DIAPH3: variants seen among roughly 807,000 people sequenced by gnomAD.
DIAPH3 encodes diaphanous related formin 3.
A neutral mutation model predicts 144.3 loss-of-function variants in DIAPH3; 117 were observed. That is an observed-to-expected ratio of 0.81 (90% CI 0.70 to 0.95). DIAPH3 has a LOEUF of 0.95. DIAPH3 is among the 40% of genes least tolerant of loss of function. DIAPH3 has a pLI of 0.00. For synonymous variants in DIAPH3, 519 were observed against 488.9 expected, an observed-to-expected ratio of 1.06 and a Z score of -0.81; for missense variants, 1,421 against 1,412.7, an observed-to-expected ratio of 1.01 and a Z score of -0.09.
intron 22 of DIAPH3, among the ~76,000 whole-genome samples, chr13:59,854,354 C>G (rs927346258): frequency 9.9e-5 from 15 of 152,110 alleles, no homozygotes; most frequent in African/African-American, 3.6e-4. Flanking sequence ...TATGGCAGCC[C>G]TAACAAACCA....
intron 5 of DIAPH3, among the ~76,000 whole-genome samples, chr13:60,020,558 T>A (rs553091116): frequency 1.3e-5 from 2 of 152,176 alleles, no homozygotes; most frequent in Admixed American, 1.3e-4. Flanking sequence ...AGAGATCGGG[T>A]CTCACTACGT....
At chr13:59,931,713 CA>C (rs1364718729) in intron 17 of DIAPH3, among the ~76,000 whole-genome samples, 1 of 152,186 alleles carries the variant, frequency 6.6e-6, no homozygotes, top group African/African-American at 2.4e-5. Flanking sequence ...AGAGGATACT[CA>C]GGCTTAAGCA....
At chr13:59,714,888 G>T (rs1945272015) in intron 27 of DIAPH3, among the ~76,000 whole-genome samples, 1 of 151,836 alleles carries the variant, frequency 6.6e-6, no homozygotes, top group African/African-American at 2.4e-5. Context: ...TTGTTTTTGA[G>T]AACAAAAATA....
intron 21 of DIAPH3, among the ~76,000 whole-genome samples, chr13:59,864,540 T>C (rs2043801375): frequency 6.6e-6 from 1 of 152,022 alleles, no homozygotes; most frequent in Admixed American, 6.6e-5. Context: ...GTGATATAGC[T>C]AAACAGCCAG....
At chr13:59,750,428 C>T (rs1343976741) in intron 27 of DIAPH3, among the ~76,000 whole-genome samples, 3 of 152,156 alleles carry the variant, frequency 2.0e-5, no homozygotes, top group Non-Finnish European at 4.4e-5. Flanking sequence ...TTAGGTTTTA[C>T]AAGAATTACT....
intron 27 of DIAPH3, among the ~76,000 whole-genome samples, chr13:59,692,764 C>T (rs986979138): frequency 6.6e-6 from 1 of 152,138 alleles, no homozygotes; most frequent in African/African-American, 2.4e-5. Context: ...CTTTATTACA[C>T]CAAACAGCCG....
At chr13:60,067,284 C>CAA (rs879713500) in intron 4 of DIAPH3, among the ~76,000 whole-genome samples, 1 of 139,892 alleles carries the variant, frequency 7.1e-6, no homozygotes, top group African/African-American at 2.6e-5. Flanking sequence ...GACCCTATAT[C>CAA]AAAAAAAAAA....
At chr13:59,891,825 CTGTA>C (rs1014891776) in intron 20 of DIAPH3, among the ~76,000 whole-genome samples, 12 of 151,960 alleles carry the variant, frequency 7.9e-5, no homozygotes, top group African/African-American at 2.9e-4. Flanking sequence ...CATAGCTGAG[CTGTA>C]ATAGTTACCG....
chr13:59,871,692 C>A (rs1290162769), intron 21 of DIAPH3, among the ~76,000 whole-genome samples: 1 of 152,094 alleles, frequency 6.6e-6, no homozygotes, highest in Non-Finnish European at 1.5e-5. Flanking sequence ...TTATTTCTTC[C>A]TTACATGTTT....
chr13:59,861,122 G>T, intron 22 of DIAPH3: 1 of 954,466 alleles, frequency 1.0e-6, no homozygotes, highest in Non-Finnish European at 1.5e-6. Context: ...AAAAGTGCAG[G>T]AGATTTAGCA....
At chr13:59,906,236 GAAATA>G (rs1345619889) in intron 20 of DIAPH3, among the ~76,000 whole-genome samples, 1 of 152,124 alleles carries the variant, frequency 6.6e-6, no homozygotes, top group Non-Finnish European at 1.5e-5. Context: ...TATGGGCTAT[GAAATA>G]AAATGCACGA....
intron 4 of DIAPH3, among the ~76,000 whole-genome samples, chr13:60,043,847 T>C (rs1167520075): frequency 1.3e-5 from 2 of 152,148 alleles, no homozygotes; most frequent in African/African-American, 4.8e-5. Context: ...ATAAATGCTG[T>C]AGAGAAGAAT....
At chr13:59,692,137 C>CTTTT (rs56205887) in intron 27 of DIAPH3, among the ~76,000 whole-genome samples, 8 of 58,176 alleles carry the variant, frequency 1.4e-4, no homozygotes, top group African/African-American at 1.9e-4. Context: ...TTGAGAAATT[C>CTTTT]TTTTTTTTTT....
At chr13:60,140,991 C>T (rs1462749359) in intron 1 of DIAPH3, among the ~76,000 whole-genome samples, 2 of 152,108 alleles carry the variant, frequency 1.3e-5, no homozygotes, top group Admixed American at 1.3e-4. Flanking sequence ...TTGATGTTGT[C>T]ACCTGCTACA....
At chr13:59,933,492 A>G (rs1166055444) in intron 17 of DIAPH3, among the ~76,000 whole-genome samples, 12 of 152,232 alleles carry the variant, frequency 7.9e-5, no homozygotes, top group Admixed American at 2.6e-4. Flanking sequence ...TTCTAAAGCC[A>G]GTACAAAATA....
intron 17 of DIAPH3, among the ~76,000 whole-genome samples, chr13:59,965,399 TC>T (rs1272173366): frequency 6.6e-6 from 1 of 152,126 alleles, no homozygotes; most frequent in Non-Finnish European, 1.5e-5. Context: ...AGCCCTTTAA[TC>T]CCTATTAACA....
chr13:59,709,286 C>A (rs2138815086), intron 27 of DIAPH3, among the ~76,000 whole-genome samples: 1 of 152,230 alleles, frequency 6.6e-6, no homozygotes, highest in East Asian at 1.9e-4. Context: ...GTAAAAGACA[C>A]TACCATCAGA....
In DIAPH3 at chr13:60,067,801, T is replaced by C. The variant is rs538994052; in HGVS notation, c.496-24981A>G. The stretch of plus-strand genomic sequence containing the variant: ...TTTCATAAATCCATAGCAACACACT[T>C]TTTTGCCTAGCTTTTCTATCTCCTT... On this transcript the variant is annotated intron_variant, in intron 4 of 27. Coordinates refer to ENST00000400324, the MANE Select transcript of DIAPH3 (RefSeq NM_001042517.2). Among the ~76,000 whole-genome samples, 5 of 152,294 alleles carry C rather than the reference T, an allele frequency of 3.3e-5. No individual in the cohort carries two copies. In the East Asian group the frequency reaches 5.8e-4, roughly 18 times the overall value.
At chr13:59,924,150 A>G (rs1331253935) in intron 18 of DIAPH3, among the ~76,000 whole-genome samples, 1 of 152,204 alleles carries the variant, frequency 6.6e-6, no homozygotes, top group East Asian at 1.9e-4. Flanking sequence ...TGATGCATTT[A>G]GAGTAGTTAG....
Sources: gnomAD v4.1 joint callset for allele counts (sites outside exome capture counted in the v4.1 genomes callset) on GRCh38, gnomAD v4.1.1 for gene constraint, MANE v1.5 for transcripts, NCBI Gene and HGNC (gene_info 2026-07-23, HGNC 2026-07-21) for gene names.